Variants in CCSER2 observed in about 807,000 individuals in gnomAD.
CCSER2 encodes coiled-coil serine rich protein 2.
CCSER2 carries 46 observed loss-of-function variants against 92.3 expected under a neutral mutation model. The ratio of observed to expected loss-of-function variants is 0.50; its 90% CI spans 0.39 to 0.64. The LOEUF (loss-of-function observed/expected upper bound fraction) is 0.64, where lower values mean the gene tolerates loss of function less well. Among genes scored for constraint, CCSER2 ranks in the 30% least tolerant of loss-of-function variants. The pLI, the probability that CCSER2 is intolerant of heterozygous loss-of-function variation, is 0.00. For synonymous variants in CCSER2, 433 were observed against 431.4 expected (o/e 1.00, Z -0.04); for missense variants, 1,244 against 1,238.9 (o/e 1.00, Z -0.06).
At chr10:84,429,132 A>G (rs907981873) in intron 5 of CCSER2, among the ~76,000 whole-genome samples, 6 of 151,942 alleles carry the variant, frequency 3.9e-5, no homozygotes, top group African/African-American at 1.5e-4. Context: ...TTTCACTTCT[A>G]CTTTTGGGAA....
chr10:84,423,545 G>T (rs974137890), intron 4 of CCSER2, among the ~76,000 whole-genome samples: 2 of 152,144 alleles, frequency 1.3e-5, no homozygotes, highest in African/African-American at 4.8e-5. Flanking sequence ...CTATTCGCCC[G>T]ATTTGCTTGC....
chr10:84,504,488 C>G (rs1012712882), intron 9 of CCSER2, among the ~76,000 whole-genome samples: 1 of 152,148 alleles, frequency 6.6e-6, no homozygotes, highest in African/African-American at 2.4e-5. Flanking sequence ...TGCCATTTGC[C>G]TGCTTATCCT....
chr10:84,464,843 T>C (rs140339720), intron 7 of CCSER2, among the ~76,000 whole-genome samples: 117 of 152,222 alleles, frequency 7.7e-4, no homozygotes, highest in African/African-American at 2.7e-3. Flanking sequence ...ATGTGGCACA[T>C]ATCACTTTCA....
At chr10:84,462,740 C>T (rs1301943196) in intron 6 of CCSER2, among the ~76,000 whole-genome samples, 3 of 152,144 alleles carry the variant, frequency 2.0e-5, no homozygotes, top group African/African-American at 7.2e-5. Context: ...TTTTGAACTG[C>T]CCTAAATACA....
Position 84,517,961 on chromosome 10 carries a change from C to G in CCSER2, c.*3694C>G, listed in dbSNP as rs1209581189. 6.6e-6 allele frequency: 1 copy of G among 152,236 alleles called. No homozygotes were observed. The highest frequency in any genetic ancestry group is 1.5e-5 in the Non-Finnish European group (1 of 68,042). 9.4% of individuals were successfully genotyped at this position (152,236 alleles called of 1,614,324 possible). A position where few individuals can be genotyped will look rare whatever the true frequency, so the allele number is the denominator to read the frequency against. On this transcript the variant is annotated 3_prime_UTR_variant, in exon 10 of 10. Transcript: ENST00000372088. ...CTGCAGCACCATTTCAATTTACTTT[C>G]CATCTTACCCAGTAGTTTTTGTGTT...
chr10:84,495,766 A>G (rs1243113070), intron 9 of CCSER2, among the ~76,000 whole-genome samples: 1 of 132,940 alleles, frequency 7.5e-6, no homozygotes, highest in East Asian at 2.5e-4. Flanking sequence ...AGCACATCAA[A>G]TTTCTTTTGT....
chr10:84,473,397 TAAAGGC>T (rs1366921306), intron 8 of CCSER2, among the ~76,000 whole-genome samples: 9 of 152,216 alleles, frequency 5.9e-5, no homozygotes, highest in Admixed American at 5.9e-4. Flanking sequence ...ACAGTTCATG[TAAAGGC>T]TAATGTTAGT....
intron 1 of CCSER2, among the ~76,000 whole-genome samples, chr10:84,349,503 C>T (rs552278854): frequency 4.6e-5 from 7 of 151,826 alleles, no homozygotes; most frequent in East Asian, 2.0e-4. Context: ...CACACTCCCC[C>T]GCCCACCCCC....
chr10:84,459,551 C>A (rs1372694920), intron 6 of CCSER2, among the ~76,000 whole-genome samples: 5 of 152,160 alleles, frequency 3.3e-5, no homozygotes, highest in African/African-American at 1.2e-4. Context: ...GAGACAGGAT[C>A]TCCTTCTGTT....
At chr10:84,460,429 A>G (rs1589729072) in intron 6 of CCSER2, among the ~76,000 whole-genome samples, 1 of 151,900 alleles carries the variant, frequency 6.6e-6, no homozygotes. Context: ...CATGAAGAAT[A>G]TTGATCTGTA....
chr10:84,406,728 G>C (rs1405119958), intron 3 of CCSER2, among the ~76,000 whole-genome samples: 2 of 152,176 alleles, frequency 1.3e-5, no homozygotes, highest in East Asian at 3.8e-4. Context: ...CCCAATAAGT[G>C]CAGGACTGCC....
intron 1 of CCSER2, among the ~76,000 whole-genome samples, chr10:84,352,317 C>CAAACAAACAAA: frequency 6.6e-6 from 1 of 151,640 alleles, no homozygotes; most frequent in East Asian, 1.9e-4. Context: ...AAAACAAAAA[C>CAAACAAACAAA]AAAATAGGTG....
At chr10:84,500,111 T>C (rs1564728398) in intron 9 of CCSER2, 1 of 983,658 alleles carries the variant, frequency 1.0e-6, no homozygotes, top group African/African-American at 1.6e-5. Flanking sequence ...TCTCCTCTCT[T>C]AACACTTCCT....
At position 84,346,759 on chromosome 10, in the gene CCSER2, T is replaced by TA. The variant is rs1564583594; in HGVS notation, c.-40+17951_-40+17952insA. ...TCTTGGCAATCCTCATTTCTTTTTT[T>TA]TTATATATATATATATATTTATTTA... On this transcript the variant is annotated intron_variant, in intron 1 of 9. Transcript: ENST00000372088. Among the ~76,000 whole-genome samples, 534 of 90,772 alleles carry TA rather than the reference T, an allele frequency of 5.9e-3. 6 individuals carry two copies. Among genetic ancestry groups the TA allele is most frequent in the Admixed American group, 9.3e-3 (59 of 6,370 alleles). The allele number at this position is 90,772 out of a possible 152,430, so 59.5% of individuals were successfully genotyped here.
chr10:84,484,975 T>A (rs1174316547), intron 9 of CCSER2, among the ~76,000 whole-genome samples: 1 of 152,214 alleles, frequency 6.6e-6, no homozygotes, highest in African/African-American at 2.4e-5. Flanking sequence ...GTTGTAAGTT[T>A]ACAGTTACCT....
intron 6 of CCSER2, among the ~76,000 whole-genome samples, chr10:84,454,511 G>A (rs1245148119): frequency 6.6e-6 from 1 of 152,006 alleles, no homozygotes; most frequent in Non-Finnish European, 1.5e-5. Context: ...TGTTTAATAA[G>A]CATATTTTAT....
At position 84,417,806 on chromosome 10, in the gene CCSER2, GGAT is replaced by G; in HGVS notation, c.1657_1659del (p.Asp553del). 1.3e-6 allele frequency: 2 copies of G among 1,596,750 alleles called. No homozygotes were observed. The highest frequency in any genetic ancestry group is 1.7e-6 in the Non-Finnish European group (2 of 1,164,394). On this transcript the variant is annotated inframe_deletion, in exon 4 of 10. Transcript: ENST00000372088. ...ATAATCTTGAATCATGTGACCTTGA[GGAT>G]GATGATCTTATGCTTGATGTGGATC...
intron 4 of CCSER2, 76 bp downstream of exon 4, chr10:84,417,937 C>G: frequency 1.3e-6 from 1 of 768,326 alleles, no homozygotes; most frequent in East Asian, 2.5e-5. Flanking sequence ...ATATTTGTTA[C>G]TTGCAGACTT....
chr10:84,444,989 A>G (rs909632036), intron 6 of CCSER2, among the ~76,000 whole-genome samples: 4 of 152,242 alleles, frequency 2.6e-5, no homozygotes, highest in African/African-American at 9.6e-5. Flanking sequence ...ACCCAGTTGC[A>G]TATTAATGTA....
Sources: gnomAD v4.1 joint callset for allele counts (sites outside exome capture counted in the v4.1 genomes callset) on GRCh38, gnomAD v4.1.1 for gene constraint, MANE v1.5 for transcripts, NCBI Gene and HGNC (gene_info 2026-07-23, HGNC 2026-07-21) for gene names.